The following HNRNPL variants were observed in gnomAD, a reference collection of about 807,000 sequenced individuals.
The protein encoded by HNRNPL is epididymis secretory sperm binding protein.
HNRNPL carries 12 observed loss-of-function variants against 64.0 expected under a neutral mutation model. That is an observed-to-expected ratio of 0.19 (90% confidence interval 0.12 to 0.30). HNRNPL has a LOEUF of 0.30. Among genes scored for constraint, HNRNPL ranks in the 10% least tolerant of loss-of-function variants. The pLI is 1.00. For synonymous variants in HNRNPL, 385 were observed against 313.0 expected (o/e 1.23, Z -2.43); for missense variants, 484 against 797.4 (o/e 0.61, Z 4.73).
In HNRNPL at chr19:38,840,572, A is replaced by C; in HGVS notation, c.881-13T>G. On this transcript the variant is annotated splice_polypyrimidine_tract_variant and intron_variant, in intron 6 of 12. Coordinates refer to ENST00000221419, the MANE Select transcript of HNRNPL (RefSeq NM_001533.3). Reference sequence around the variant, plus strand: ...CTGCCAGGGTCACCTGTGGAGAGAGAAAACAGTTAGGAGTCTCACTCAGAA... The same window carrying C: ...CTGCCAGGGTCACCTGTGGAGAGAGCAAACAGTTAGGAGTCTCACTCAGAA... The C allele has an allele frequency of 6.4e-7, 1 of 1,571,376 alleles. No individual in the cohort carries two copies. Among genetic ancestry groups the C allele is most frequent in the African/African-American group, 1.4e-5 (1 of 73,974 alleles).
chr19:38,846,340 C>T (rs977392864), intron 2 of HNRNPL, among the ~76,000 whole-genome samples: 6 of 152,182 alleles, frequency 3.9e-5, no homozygotes, highest in South Asian at 2.1e-4. Flanking sequence ...CACCCACAGA[C>T]GGCTTCTTGA....
At chr19:38,842,105 ATTTTTTT>A (rs10624642) in intron 6 of HNRNPL, 1 of 132,914 alleles carries the variant, frequency 7.5e-6, no homozygotes, top group Non-Finnish European at 1.6e-5. Flanking sequence ...TGTGGTTAAA[ATTTTTTT>A]TTTTTTTTTT....
chr19:38,851,396 G>T (rs1972500850), upstream of HNRNPL, among the ~76,000 whole-genome samples: 2 of 152,234 alleles, frequency 1.3e-5, no homozygotes, highest in South Asian at 4.1e-4. Flanking sequence ...CCCGTCCTAC[G>T]GCATTTAACA....
intron 6 of HNRNPL, chr19:38,841,816 A>G (rs771697409): frequency 4.6e-5 from 19 of 411,654 alleles, no homozygotes; most frequent in South Asian, 2.4e-4. Context: ...TCCTCAGAAG[A>G]TATCAGAAAA....
At chr19:38,851,965 G>C (rs1972514059), upstream of HNRNPL, among the ~76,000 whole-genome samples, 2 of 151,940 alleles carry the variant, frequency 1.3e-5, no homozygotes, top group African/African-American at 4.8e-5. Context: ...GGAGGAGGCC[G>C]GGCCGGTCGC....
chr19:38,848,894 A>C (rs1600070968), intron 1 of HNRNPL, among the ~76,000 whole-genome samples: 1 of 152,334 alleles, frequency 6.6e-6, no homozygotes. Flanking sequence ...AAACCCTGGA[A>C]AACCCTGCAA....
At chr19:38,839,949 C>A (rs1972054609) in intron 8 of HNRNPL, 147 bp downstream of exon 8, 2 of 701,668 alleles carry the variant, frequency 2.9e-6, no homozygotes, top group Admixed American at 4.7e-5. Flanking sequence ...CAAAACCCGT[C>A]TGCAAGCAGG....
chr19:38,841,254 G>A (rs767600521), intron 6 of HNRNPL: 17 of 289,698 alleles, frequency 5.9e-5, no homozygotes, highest in Non-Finnish European at 8.8e-5. Flanking sequence ...TTAAGTGGCA[G>A]GCACTGGGCT....
intron 10 of HNRNPL, among the ~76,000 whole-genome samples, chr19:38,837,892 G>A (rs780096956): frequency 5.3e-5 from 8 of 152,218 alleles, no homozygotes; most frequent in Non-Finnish European, 1.0e-4. Flanking sequence ...ACAGCTATGT[G>A]GATATCTGCA....
At chr19:38,844,841 A>G (rs926835216) in intron 4 of HNRNPL, 4 of 151,868 alleles carry the variant, frequency 2.6e-5, no homozygotes, top group African/African-American at 7.3e-5. Flanking sequence ...CCTCCAGAGT[A>G]GCTGGGATTA....
chr19:38,846,625 T>C (rs572433966), intron 2 of HNRNPL, among the ~76,000 whole-genome samples: 2 of 152,086 alleles, frequency 1.3e-5, no homozygotes, highest in African/African-American at 4.8e-5. Flanking sequence ...ATATAAAAAT[T>C]AGGCCGGGCG....
intron 9 of HNRNPL, 51 bp downstream of exon 9, chr19:38,838,843 T>C: frequency 6.2e-7 from 1 of 1,611,784 alleles, no homozygotes; most frequent in African/African-American, 1.3e-5. Flanking sequence ...CCCATTCCCC[T>C]CCTTTTCTCT....
At chr19:38,836,911 G>T (rs116038173) in intron 12 of HNRNPL, 131 bp from the exon 13 acceptor site, 10 of 629,396 alleles carry the variant, frequency 1.6e-5, no homozygotes, top group Non-Finnish European at 2.6e-5. Context: ...ACTGCCCAAC[G>T]TGAGGCTTCA....
At position 38,845,744 on chromosome 19, in the gene HNRNPL, G is replaced by A. The variant is rs754952418; in HGVS notation, c.625-9C>T. The A allele has an allele frequency of 1.2e-6, 2 of 1,612,418 alleles. No individual in the cohort carries two copies. Among genetic ancestry groups the A allele is most frequent in the Non-Finnish European group, 8.5e-7 (1 of 1,178,428 alleles). ...ATAGTGTAAAGAACATCCTGCAAAA[G>A]CAAACACAGGCAAGATGAAGGGGCA... On this transcript the variant is annotated splice_polypyrimidine_tract_variant and intron_variant, in intron 3 of 12. Coordinates refer to ENST00000221419, the MANE Select transcript of HNRNPL (RefSeq NM_001533.3).
At chr19:38,840,715 G>A (rs1054168146) in intron 6 of HNRNPL, 156 bp from the exon 7 acceptor site, 8 of 661,164 alleles carry the variant, frequency 1.2e-5, no homozygotes, top group Admixed American at 8.8e-5. Flanking sequence ...TCTGACCTAC[G>A]GCGGGCATGA....
At chr19:38,849,455 C>G in intron 1 of HNRNPL, 1 of 443,684 alleles carries the variant, frequency 2.3e-6, no homozygotes, top group East Asian at 3.7e-5. Flanking sequence ...CGCACTGGGC[C>G]ATTCGCCTCA....
intron 9 of HNRNPL, 50 bp from the exon 10 acceptor site, chr19:38,838,648 G>A (rs370479362): frequency 8.7e-5 from 136 of 1,567,010 alleles, no homozygotes; most frequent in Non-Finnish European, 1.2e-4. Context: ...AGTTGTCCCT[G>A]AAGCTTTCCC....
rs769121491 is a variant in HNRNPL at position 38,836,797 on chromosome 19, AGTTT to A, written c.1712-21_1712-18del. ...ATGGACCATCTGCAAAGGAGAGACA[AGTTT>A]GGTTGGTTCCCGTCTTTGGAGGCTC... is the stretch of plus-strand genomic sequence containing the variant. On this transcript the variant is annotated intron_variant, in intron 12 of 12. Transcript: ENST00000221419. 4 of 1,603,734 alleles carry A rather than the reference AGTTT, an allele frequency of 2.5e-6. No individual in the cohort carries two copies. Among genetic ancestry groups the A allele is most frequent in the Non-Finnish European group, 3.4e-6 (4 of 1,175,368 alleles).
At chr19:38,838,024 G>A (rs1417024512) in intron 10 of HNRNPL, among the ~76,000 whole-genome samples, 2 of 152,168 alleles carry the variant, frequency 1.3e-5, no homozygotes, top group East Asian at 3.8e-4. Flanking sequence ...GCTTTACAGG[G>A]CCCCACCTTC....
Sources: allele counts gnomAD v4.1 joint callset (sites outside exome capture counted in the v4.1 genomes callset), GRCh38; gene constraint gnomAD v4.1.1; transcripts MANE v1.5; gene names NCBI Gene and HGNC (gene_info 2026-07-23, HGNC 2026-07-21).